The following PSMG2 variants were observed in gnomAD, a reference collection of about 807,000 sequenced individuals.
PSMG2 encodes proteasome assembly chaperone 2, also known as CD40 ligand-activated specific transcript 3.
PSMG2 carries 21 observed loss-of-function variants against 31.5 expected under a neutral mutation model. That is an observed-to-expected ratio of 0.67 (90% CI 0.47 to 0.96). PSMG2 has a LOEUF of 0.96. Among genes scored for constraint, PSMG2 ranks in the 40% least tolerant of loss-of-function variants. The pLI, the probability that PSMG2 is intolerant of heterozygous loss-of-function variation, is 0.00. For missense variants in PSMG2, 318 were observed against 321.2 expected (o/e 0.99, Z 0.08); for synonymous variants, 120 against 110.4 (o/e 1.09, Z -0.54).
Position 12,703,135 on chromosome 18 carries a change from C to G in PSMG2, c.28C>G (p.Pro10Ala), listed in dbSNP as rs1219188878. MFVPCGESA[P>A]DLAGFTLLMP... ...GTTCGTTCCCTGCGGGGAGTCGGCC[C>G]CCGACCTTGCCGGCTTCACCCTCCT... The change falls in exon 1 of 7, where the codon CCC (proline) becomes GCC (alanine). Residue 10 changes from proline to alanine, a missense_variant. Coordinates refer to ENST00000317615, the MANE Select transcript of PSMG2 (RefSeq NM_020232.5). The G allele has an allele frequency of 1.9e-6, 3 of 1,612,286 alleles. No individual in the cohort carries two copies. The highest frequency in any genetic ancestry group is 2.7e-5 in the African/African-American group (2 of 74,890).
intron 1 of PSMG2, 70 bp from the exon 2 acceptor site, chr18:12,706,480 C>T: frequency 6.6e-7 from 1 of 1,525,560 alleles, no homozygotes; most frequent in South Asian, 1.1e-5. Flanking sequence ...GAGGCAGACT[C>T]TGTTTCAAAA....
intron 1 of PSMG2, among the ~76,000 whole-genome samples, chr18:12,666,529 G>A (rs1158214292): frequency 1.4e-5 from 2 of 145,026 alleles, no homozygotes; most frequent in East Asian, 2.1e-4. Flanking sequence ...GCCTCCTAAC[G>A]TCCCGCCTCA....
At chr18:12,668,234 C>T (rs1003897550) in intron 1 of PSMG2, among the ~76,000 whole-genome samples, 1 of 151,950 alleles carries the variant, frequency 6.6e-6, no homozygotes, top group Non-Finnish European at 1.5e-5. Flanking sequence ...CACTGCACTC[C>T]AGACTGGGCA....
intron 2 of PSMG2, among the ~76,000 whole-genome samples, chr18:12,712,052 C>T (rs911802090): frequency 2.0e-5 from 3 of 152,276 alleles, no homozygotes; most frequent in African/African-American, 4.8e-5. Context: ...CCACCATGCC[C>T]AGCTGCTTCT....
intron 1 of PSMG2, chr18:12,686,511 T>C: frequency 1.7e-6 from 2 of 1,187,376 alleles, no homozygotes; most frequent in Admixed American, 4.1e-5. Context: ...TATGTTTTTT[T>C]CAAATACATT....
intron 1 of PSMG2, chr18:12,661,226 T>G (rs1041978217): frequency 4.7e-6 from 1 of 212,352 alleles, no homozygotes; most frequent in Non-Finnish European, 8.1e-6. Context: ...GGGAATCACT[T>G]GAACCCGGGA....
rs184128801 is a variant in PSMG2, at chr18:12,723,397, T to C, written c.582-1102T>C. 8.3e-5 allele frequency among the ~76,000 whole-genome samples: 12 copies of C among 145,330 alleles called. No homozygotes were observed. In the East Asian group the frequency reaches 2.3e-3, roughly 28 times the overall value. Reference sequence around the variant, plus strand: ...GGAGTTAGAGAGACCTAACTAGATATAGTTAGATATAGAGACCTTACTAGA... The same window carrying C: ...GGAGTTAGAGAGACCTAACTAGATACAGTTAGATATAGAGACCTTACTAGA... On this transcript the variant is annotated intron_variant, in intron 5 of 6. Transcript: ENST00000317615.
chr18:12,700,838 C>A (rs369682873), upstream of PSMG2: 10 of 685,812 alleles, frequency 1.5e-5, no homozygotes, highest in East Asian at 1.6e-4. Flanking sequence ...CACTAGTAAA[C>A]AGAATGACCT....
intron 3 of PSMG2, among the ~76,000 whole-genome samples, chr18:12,718,182 T>A (rs2040396258): frequency 6.6e-6 from 1 of 151,976 alleles, no homozygotes; most frequent in Non-Finnish European, 1.5e-5. Flanking sequence ...CTGATTTTTT[T>A]ATTTTTAGTA....
chr18:12,698,950 T>C, upstream of PSMG2: 1 of 1,444,344 alleles, frequency 6.9e-7, no homozygotes, highest in South Asian at 1.2e-5. Context: ...ATTTACTCAA[T>C]TAAATGACAA....
At chr18:12,693,332 G>T (rs2039833595) in intron 1 of PSMG2, among the ~76,000 whole-genome samples, 2 of 152,040 alleles carry the variant, frequency 1.3e-5, no homozygotes, top group African/African-American at 4.8e-5. Context: ...GCTGAGGCAG[G>T]TGGATTGCTT....
intron 2 of PSMG2, 105 bp from the exon 3 acceptor site, chr18:12,712,597 C>G (rs1011017845): frequency 2.5e-6 from 2 of 790,748 alleles, no homozygotes; most frequent in African/African-American, 3.5e-5. Context: ...TTATTGAAAA[C>G]ATTTAAATGC....
At chr18:12,672,795 G>GT in intron 1 of PSMG2, 1 of 981,730 alleles carries the variant, frequency 1.0e-6, no homozygotes, top group Non-Finnish European at 1.2e-6. Flanking sequence ...TCTGGTATTA[G>GT]TTTTTTCCTA....
In PSMG2 at chr18:12,724,609, T is replaced by G. The variant is rs1422554595; in HGVS notation, c.692T>G (p.Leu231Arg). 1 of 1,601,082 alleles carries G rather than the reference T, an allele frequency of 6.2e-7. No homozygotes were observed. Among genetic ancestry groups the G allele is most frequent in the South Asian group, 1.1e-5 (1 of 88,356 alleles). Residue 231 changes from leucine (L) to arginine (R), a missense_variant, in exon 6 of 7, where the codon CTC becomes CGC. Coordinates refer to ENST00000317615, the MANE Select transcript of PSMG2 (RefSeq NM_020232.5). ...VEYLNEWLQI[L>R]KPLSDDPTVS... ...TATCTTAATGAGTGGCTTCAGATAC[T>G]CAAACCACTTGTAAGTTCTATTATA...
At chr18:12,694,167 C>A (rs1037640852) in intron 1 of PSMG2, among the ~76,000 whole-genome samples, 2 of 152,066 alleles carry the variant, frequency 1.3e-5, no homozygotes, top group African/African-American at 4.8e-5. Flanking sequence ...ATATACCACC[C>A]ATGACACATG....
At chr18:12,659,677 T>A (rs973578285) in intron 1 of PSMG2, among the ~76,000 whole-genome samples, 31 of 151,866 alleles carry the variant, frequency 2.0e-4, no homozygotes, top group African/African-American at 7.3e-4. Flanking sequence ...CTCAAAAAAA[T>A]AAATAATAAA....
chr18:12,672,864 C>T (rs1042623309), intron 1 of PSMG2: 21 of 985,168 alleles, frequency 2.1e-5, no homozygotes, highest in East Asian at 1.1e-4. Flanking sequence ...CCAAGGACCA[C>T]GAATAAACCA....
chr18:12,703,005 T>C (rs1019974258), upstream of PSMG2: 3 of 1,363,664 alleles, frequency 2.2e-6, no homozygotes, highest in East Asian at 7.9e-5. Flanking sequence ...CAAAGGACCC[T>C]CCCGCGCCCC....
chr18:12,703,039 T>C (rs2040210764), upstream of PSMG2: 7 of 1,556,506 alleles, frequency 4.5e-6, no homozygotes, highest in African/African-American at 1.4e-5. Flanking sequence ...GTCTCGGGCT[T>C]CCGCCTTCTT....
Sources: allele counts gnomAD v4.1 joint callset (sites outside exome capture counted in the v4.1 genomes callset), GRCh38; gene constraint gnomAD v4.1.1; transcripts MANE v1.5; gene names NCBI Gene and HGNC (gene_info 2026-07-23, HGNC 2026-07-21).